PLXNC1: variants seen among roughly 807,000 people sequenced by gnomAD.
The protein encoded by PLXNC1 is plexin-C1.
A neutral mutation model predicts 178.2 loss-of-function variants in PLXNC1; 75 were observed. That is an observed-to-expected ratio of 0.42 (90% CI 0.35 to 0.51). The LOEUF (loss-of-function observed/expected upper bound fraction) is 0.51. Ranked by LOEUF, PLXNC1 falls within the 20% of genes least tolerant of loss-of-function variation. The pLI is 0.02. For synonymous variants in PLXNC1, 790 were observed against 779.9 expected, an observed-to-expected ratio of 1.01 and a Z score of -0.22; for missense variants, 1,503 against 1,984.4, an observed-to-expected ratio of 0.76 and a Z score of 4.61.
intron 9 of PLXNC1, chr12:94,227,587 G>A (rs73366607): frequency 0.082 from 18,599 of 227,804 alleles, 982 homozygotes; most frequent in African/African-American, 0.15. Flanking sequence ...GTTTCTGGGG[G>A]TTATGTGTGT....
rs765834949 is a variant in PLXNC1, at chr12:94,289,544, CCCTG to C, written c.3880-4938_3880-4935del. On this transcript the variant is annotated intron_variant, in intron 23 of 30. Transcript: ENST00000258526. ...CTAAAGTAGGGGCCCAGAGGACGCTCCCTGCCTCACAGGACTAGGGGACGATTAA... is the reference window on the plus strand; with the variant it reads ...CTAAAGTAGGGGCCCAGAGGACGCTCCCTCACAGGACTAGGGGACGATTAA... 2.8e-4 allele frequency among the ~76,000 whole-genome samples: 42 copies of C among 152,258 alleles called. No individual in the cohort carries two copies. In the Middle Eastern group the frequency reaches 0.014, roughly 49 times the overall value.
At chr12:94,279,831 C>T (rs4761469) in intron 22 of PLXNC1, 182 bp downstream of exon 22, 155,561 of 705,312 alleles carry the variant, frequency 0.22, 18,017 homozygotes, top group South Asian at 0.25. Flanking sequence ...TCATGGGCAT[C>T]CTGATTCTTC....
chr12:94,208,978 A>G (rs1963385903), intron 4 of PLXNC1, among the ~76,000 whole-genome samples: 1 of 152,188 alleles, frequency 6.6e-6, no homozygotes, highest in Non-Finnish European at 1.5e-5. Flanking sequence ...AAAATGTTTC[A>G]CCTATATCTT....
chr12:94,167,132 TTTTCC>T (rs1961645648), intron 1 of PLXNC1, among the ~76,000 whole-genome samples: 1 of 152,186 alleles, frequency 6.6e-6, no homozygotes, highest in South Asian at 2.1e-4. Flanking sequence ...TGGGACGGAT[TTTTCC>T]TTGTTCCGTT....
chr12:94,257,823 TGTGAACCTGGGAGGCGGAGCTTGCA>T (rs1480762946), intron 17 of PLXNC1, among the ~76,000 whole-genome samples: 1 of 151,906 alleles, frequency 6.6e-6, no homozygotes, highest in Non-Finnish European at 1.5e-5. Context: ...AGGAGAATGG[TGTGAACCTGGGAGGCGGAGCTTGCA>T]GTGAGCCGAG....
chr12:94,304,276 A>T, intron 30 of PLXNC1: 1 of 409,858 alleles, frequency 2.4e-6, no homozygotes, highest in Non-Finnish European at 4.4e-6. Context: ...CTGAATTTAC[A>T]TTTGAGTTCA....
In PLXNC1 at chr12:94,260,890, A is replaced by C; in HGVS notation, c.3450+50A>C. On this transcript the variant is annotated intron_variant, in intron 20 of 30. Coordinates refer to ENST00000258526, the MANE Select transcript of PLXNC1 (RefSeq NM_005761.3). The surrounding 1 kb of genome is among the most constrained non-coding windows in gnomAD (Gnocchi z 4.4). Reference sequence around the variant, plus strand: ...GTCAGAGGTAAGACAATAGGCAGTTATTTTTAGCGGACTCTGATGCCTTTG... The same window carrying C: ...GTCAGAGGTAAGACAATAGGCAGTTCTTTTTAGCGGACTCTGATGCCTTTG... 1 of 1,501,428 alleles carries C rather than the reference A, an allele frequency of 6.7e-7. No individual in the cohort carries two copies. Among genetic ancestry groups the C allele is most frequent in the Non-Finnish European group, 9.2e-7 (1 of 1,082,528 alleles). The allele number at this position is 1,501,428 out of a possible 1,614,324, so 93.0% of individuals were successfully genotyped here. A position where few individuals can be genotyped will look rare whatever the true frequency, so the allele number is the denominator to read the frequency against.
At chr12:94,207,699 TA>T (rs1258063306) in intron 4 of PLXNC1, among the ~76,000 whole-genome samples, 2 of 152,248 alleles carry the variant, frequency 1.3e-5, no homozygotes, top group Non-Finnish European at 2.9e-5. Context: ...AGCATATGAT[TA>T]AATACCGAAA....
intron 7 of PLXNC1, among the ~76,000 whole-genome samples, chr12:94,225,593 G>A (rs182140716): frequency 2.7e-3 from 404 of 152,268 alleles, no homozygotes; most frequent in African/African-American, 8.2e-3. Context: ...TTGAAAGAAC[G>A]TAGCTCCCCC....
At position 94,149,266 on chromosome 12, in the gene PLXNC1, C is replaced by T. The variant is rs1960850724; in HGVS notation, c.295C>T (p.Pro99Ser). The T allele has an allele frequency of 1.3e-6, 2 of 1,532,852 alleles. No individual in the cohort carries two copies. Among genetic ancestry groups the T allele is most frequent in the Non-Finnish European group, 1.7e-6 (2 of 1,149,064 alleles). The allele number at this position is 1,532,852 out of a possible 1,614,324, so 95.0% of individuals were successfully genotyped here. A position where few individuals can be genotyped will look rare whatever the true frequency, so the allele number is the denominator to read the frequency against. The stretch of plus-strand genomic sequence containing the variant: ...GGTCTCGCTGGCGCCCCCCGCGCGG[C>T]CCCGGCCCGGGAGCAGCTTCAGCAA... ...EPVSLAPPAR[P>S]RPGSSFSKLL... is the part of the protein sequence containing the mutation. The change falls in exon 1 of 31, where the codon CCC becomes TCC. Residue 99 changes from proline to serine, a missense_variant. By Grantham distance (74) the Pro-to-Ser change is moderately conservative (BLOSUM62 -1). This residue lies in a region of PLXNC1 where 176 missense variants were observed against 180.7 expected (regional missense o/e 0.97). Transcript: ENST00000258526.
rs1290205794 is a variant in PLXNC1 at position 94,219,998 on chromosome 12, C to T, written c.1555-18C>T. 6.2e-7 allele frequency: 1 copy of T among 1,608,158 alleles called. No homozygotes were observed. Among genetic ancestry groups the T allele is most frequent in the Non-Finnish European group, 8.5e-7 (1 of 1,176,394 alleles). ...GAGGCAAAAATCATCATTTTTTCCC[C>T]ATATCTTCCCCGCACAGACTACAGT... On this transcript the variant is annotated intron_variant, in intron 5 of 30. Coordinates refer to ENST00000258526, the MANE Select transcript of PLXNC1 (RefSeq NM_005761.3).
At chr12:94,233,809 T>C (rs1446180512) in intron 9 of PLXNC1, among the ~76,000 whole-genome samples, 3 of 152,184 alleles carry the variant, frequency 2.0e-5, no homozygotes, top group Non-Finnish European at 4.4e-5. Context: ...CTTTTACTCT[T>C]TCCCATTTCC....
intron 3 of PLXNC1, among the ~76,000 whole-genome samples, chr12:94,183,848 T>C (rs147635420): frequency 6.5e-4 from 99 of 152,316 alleles, no homozygotes; most frequent in African/African-American, 2.3e-3. Flanking sequence ...TGGTTAGCCC[T>C]GCATTCTTCA....
chr12:94,265,951 A>C (rs1965212500), intron 21 of PLXNC1, among the ~76,000 whole-genome samples: 1 of 152,222 alleles, frequency 6.6e-6, no homozygotes, highest in Admixed American at 6.5e-5. Context: ...CTTTAGAATT[A>C]GGAATTTTCT....
intron 28 of PLXNC1, 142 bp downstream of exon 28, chr12:94,301,199 G>T: frequency 3.6e-6 from 2 of 562,308 alleles, no homozygotes; most frequent in Non-Finnish European, 2.9e-6. Flanking sequence ...TCAATTTGCT[G>T]TTATTTAAAA....
intron 2 of PLXNC1, among the ~76,000 whole-genome samples, chr12:94,178,629 T>C (rs1034144564): frequency 1.4e-4 from 22 of 152,208 alleles, no homozygotes; most frequent in African/African-American, 4.3e-4. Context: ...CAGGATTCTG[T>C]AGAGCAGTGT....
intron 23 of PLXNC1, among the ~76,000 whole-genome samples, chr12:94,290,526 C>T (rs563604179): frequency 6.6e-6 from 1 of 152,372 alleles, no homozygotes; most frequent in East Asian, 1.9e-4. Context: ...GCCCCCACCC[C>T]ACCACCAAGA....
intron 2 of PLXNC1, among the ~76,000 whole-genome samples, chr12:94,180,172 A>G (rs535626333): frequency 4.6e-5 from 7 of 152,108 alleles, no homozygotes; most frequent in Non-Finnish European, 8.8e-5. Flanking sequence ...ACACAGGCCC[A>G]CAAGACCCTT....
intron 21 of PLXNC1, among the ~76,000 whole-genome samples, chr12:94,275,102 C>T (rs746164569): frequency 6.6e-6 from 1 of 152,152 alleles, no homozygotes; most frequent in African/African-American, 2.4e-5. Flanking sequence ...CCAGGTGGCC[C>T]GGTGCTGGGC....
Sources: gnomAD v4.1 joint callset for allele counts (sites outside exome capture counted in the v4.1 genomes callset) on GRCh38, gnomAD v4.1.1 for gene constraint, gnomAD v4.1.1 regional missense constraint, Gnocchi (gnomAD v3.1) non-coding constraint, MANE v1.5 for transcripts, NCBI Gene and HGNC (gene_info 2026-07-23, HGNC 2026-07-21) for gene names.